Variants in DDR2 observed in about 807,000 individuals in gnomAD.
The protein encoded by DDR2 is discoidin domain receptor tyrosine kinase 2, also known as discoidin domain-containing receptor 2.
DDR2 carries 27 observed loss-of-function variants against 94.9 expected under a neutral mutation model. The ratio of observed to expected loss-of-function variants is 0.28; its 90% CI spans 0.21 to 0.39. The LOEUF is 0.39. Among genes scored for constraint, DDR2 ranks in the 10% least tolerant of loss-of-function variants. The pLI is 1.00. For missense variants in DDR2, 783 were observed against 1,076.0 expected, an observed-to-expected ratio of 0.73 and a Z score of 3.81; for synonymous variants, 382 against 377.2, an observed-to-expected ratio of 1.01 and a Z score of -0.15.
At position 162,723,009 on chromosome 1, in the gene DDR2, C is replaced by T. The variant is rs148247714; in HGVS notation, c.82+3864C>T. 7.1e-3 allele frequency among the ~76,000 whole-genome samples: 1,086 copies of T among 152,242 alleles called. 13 individuals carry two copies. Among genetic ancestry groups the T allele is most frequent in the African/African-American group, 0.025 (1,032 of 41,528 alleles). ...TTTCAGGAGAATCTTGCCTTTGGGG[C>T]TAAGCACACAGGAAGTGACTGATAA... On this transcript the variant is annotated intron_variant, in intron 3 of 17. Transcript: ENST00000367921.
Position 162,753,144 on chromosome 1 carries a change from G to A in DDR2, c.132G>A (p.Glu44=), listed in dbSNP as rs1663296960. Reference sequence around the variant, plus strand: ...TGTCAGGAGGCCAGATTCCAGATGAGGACATCACAGCTTCCAGTCAGTGGT... The same window carrying A: ...TGTCAGGAGGCCAGATTCCAGATGAAGACATCACAGCTTCCAGTCAGTGGT... ...LGMSGGQIPD[E]DITASSQWSE... is the part of the protein sequence containing the mutation. The change falls in exon 4 of 18, where the codon GAG becomes GAA. Residue 44 remains glutamate (E), a synonymous_variant. Transcript: ENST00000367921. 6.2e-7 allele frequency: 1 copy of A among 1,613,688 alleles called. No homozygotes were observed. Among genetic ancestry groups the A allele is most frequent in the Non-Finnish European group, 8.5e-7 (1 of 1,179,718 alleles).
At chr1:162,777,843 A>T (rs1231208545) in intron 16 of DDR2, 1 of 152,566 alleles carries the variant, frequency 6.6e-6, no homozygotes, top group Non-Finnish European at 1.5e-5. Context: ...TAAGTCTGGC[A>T]TTAATATGGT....
At position 162,785,831 on chromosome 1, in the gene DDR2, T is replaced by C. The variant is rs1648126867; in HGVS notation, c.*5585T>C. Reference sequence around the variant, plus strand: ...GTATACTTTTTGATGGAGAAATTGATCTATAGAACTGCTTAATTTTTTGAG... The same window carrying C: ...GTATACTTTTTGATGGAGAAATTGACCTATAGAACTGCTTAATTTTTTGAG... On this transcript the variant is annotated 3_prime_UTR_variant, in exon 18 of 18. Coordinates refer to ENST00000367921, the MANE Select transcript of DDR2 (RefSeq NM_006182.4). 6.6e-6 allele frequency: 1 copy of C among 152,226 alleles called. No individual in the cohort carries two copies. The highest frequency in any genetic ancestry group is 1.5e-5 in the Non-Finnish European group (1 of 68,044). 9.4% of individuals were successfully genotyped at this position (152,226 alleles called of 1,614,324 possible).
chr1:162,703,627 T>G (rs1660527635), intron 2 of DDR2, among the ~76,000 whole-genome samples: 1 of 152,214 alleles, frequency 6.6e-6, no homozygotes, highest in Admixed American at 6.5e-5. Context: ...TGATCACCTG[T>G]CTGTGGAAGG....
intron 9 of DDR2, among the ~76,000 whole-genome samples, chr1:162,763,879 A>G (rs1779992): frequency 0.93 from 142,282 of 152,248 alleles, 67,170 homozygotes; most frequent in Middle Eastern, 1. Flanking sequence ...TATTTATGCT[A>G]AATATCATGT....
chr1:162,780,014 C>T (rs971072713), intron 17 of DDR2, 98 bp from the exon 18 acceptor site: 1 of 1,568,624 alleles, frequency 6.4e-7, no homozygotes, highest in Non-Finnish European at 8.7e-7. Context: ...GGGCAGGGGG[C>T]AAATCAAACC....
chr1:162,773,365 G>T (rs1647339273), intron 13 of DDR2, 104 bp from the exon 14 acceptor site: 2 of 1,472,672 alleles, frequency 1.4e-6, no homozygotes, highest in East Asian at 2.3e-5. Flanking sequence ...TGATCATTTT[G>T]CCTGAGTTGT....
intron 2 of DDR2, among the ~76,000 whole-genome samples, chr1:162,703,519 C>T (rs1660523128): frequency 6.6e-6 from 1 of 152,030 alleles, no homozygotes; most frequent in South Asian, 2.1e-4. Flanking sequence ...CACAAACCTC[C>T]AATTGGCTTA....
intron 2 of DDR2, among the ~76,000 whole-genome samples, chr1:162,661,784 G>A (rs1658307537): frequency 6.6e-6 from 1 of 152,206 alleles, no homozygotes; most frequent in African/African-American, 2.4e-5. Flanking sequence ...GAGGAGGTGG[G>A]TGTAGGAGAA....
intron 2 of DDR2, among the ~76,000 whole-genome samples, chr1:162,677,074 G>A (rs1659165742): frequency 1.3e-5 from 2 of 152,176 alleles, no homozygotes; most frequent in Non-Finnish European, 1.5e-5. Flanking sequence ...TGCGAGATGT[G>A]GCCAGTTTGG....
intron 3 of DDR2, among the ~76,000 whole-genome samples, chr1:162,729,305 T>G (rs866380137): frequency 6.8e-5 from 7 of 103,106 alleles, no homozygotes; most frequent in African/African-American, 2.8e-4. Flanking sequence ...TATATATTTT[T>G]TTTTTTTTTT....
At chr1:162,727,491 T>C (rs1661751369) in intron 3 of DDR2, among the ~76,000 whole-genome samples, 1 of 146,028 alleles carries the variant, frequency 6.8e-6, no homozygotes, top group Admixed American at 6.9e-5. Flanking sequence ...TAGATATATC[T>C]ATCTATATAT....
At chr1:162,764,407 AAAAAG>A (rs1403366930) in intron 9 of DDR2, among the ~76,000 whole-genome samples, 21 of 151,100 alleles carry the variant, frequency 1.4e-4, no homozygotes, top group African/African-American at 5.1e-4. Context: ...AAAAAAAAAA[AAAAAG>A]AAATGTCCAA....
intron 1 of DDR2, among the ~76,000 whole-genome samples, chr1:162,638,829 ACATAAC>A (rs1410669558): frequency 1.3e-5 from 2 of 152,232 alleles, no homozygotes; most frequent in Non-Finnish European, 2.9e-5. Context: ...TAGAATGTGT[ACATAAC>A]AGACAGTTTA....
chr1:162,727,341 CAT>C (rs760568019), intron 3 of DDR2, among the ~76,000 whole-genome samples: 6 of 139,820 alleles, frequency 4.3e-5, no homozygotes, highest in Admixed American at 7.3e-5. Flanking sequence ...AATATACACA[CAT>C]ATATATGTGA....
At chr1:162,662,919 GCA>G (rs1366110685) in intron 2 of DDR2, among the ~76,000 whole-genome samples, 1 of 152,074 alleles carries the variant, frequency 6.6e-6, no homozygotes, top group East Asian at 1.9e-4. Context: ...AGCTTCTGAG[GCA>G]CAGTTTGGGT....
At chr1:162,676,939 A>G (rs937570712) in intron 2 of DDR2, among the ~76,000 whole-genome samples, 5 of 152,202 alleles carry the variant, frequency 3.3e-5, no homozygotes, top group Non-Finnish European at 7.3e-5. Context: ...TTTTCTTTAT[A>G]GTGGAAAAGT....
rs1334770260 is a variant in DDR2, at chr1:162,784,183, CAT to C, written c.*3940_*3941del. ...AGAAAGCCATGATGTGGGTCTAAAC[CAT>C]ATGTTTTGAGTAAAGGAGAATAGAA... On this transcript the variant is annotated 3_prime_UTR_variant, in exon 18 of 18. Transcript: ENST00000367921. 6.6e-6 allele frequency: 1 copy of C among 152,136 alleles called. No homozygotes were observed. The highest frequency in any genetic ancestry group is 6.6e-5 in the Admixed American group (1 of 15,258). 9.4% of individuals were successfully genotyped at this position (152,136 alleles called of 1,614,324 possible).
chr1:162,671,460 G>A (rs1310241079), intron 2 of DDR2, among the ~76,000 whole-genome samples: 1 of 152,188 alleles, frequency 6.6e-6, no homozygotes, highest in Non-Finnish European at 1.5e-5. Context: ...AAATGTGTGA[G>A]TTATGATAGA....
Sources: allele counts gnomAD v4.1 joint callset (sites outside exome capture counted in the v4.1 genomes callset), GRCh38; gene constraint gnomAD v4.1.1; transcripts MANE v1.5; gene names NCBI Gene and HGNC (gene_info 2026-07-23, HGNC 2026-07-21).